LRP6: variants seen among roughly 807,000 people sequenced by gnomAD.
LRP6 encodes low-density lipoprotein receptor-related protein 6.
Under a neutral mutation model 184.1 loss-of-function variants are expected in LRP6, and 43 were observed. That is an observed-to-expected ratio of 0.23 (90% CI 0.18 to 0.30). The LOEUF is 0.30. LRP6 is among the 10% of genes least tolerant of loss of function. LRP6 has a pLI of 1.00. For synonymous variants in LRP6, 719 were observed against 684.9 expected, an observed-to-expected ratio of 1.05 and a Z score of -0.78; for missense variants, 1,571 against 2,005.3, an observed-to-expected ratio of 0.78 and a Z score of 4.14.
intron 2 of LRP6, among the ~76,000 whole-genome samples, chr12:12,220,581 T>A: frequency 6.7e-6 from 1 of 148,472 alleles, no homozygotes; most frequent in East Asian, 2.0e-4. Flanking sequence ...CTATGAACAC[T>A]AACGCATATT....
chr12:12,204,261 T>A, intron 2 of LRP6, among the ~76,000 whole-genome samples: 1 of 95,864 alleles, frequency 1.0e-5, no homozygotes, highest in African/African-American at 4.0e-5. Flanking sequence ...TCTTTGACAA[T>A]ATCAATGTCA....
chr12:12,245,557 CA>C (rs750223606), intron 1 of LRP6, among the ~76,000 whole-genome samples: 4 of 152,256 alleles, frequency 2.6e-5, no homozygotes, highest in East Asian at 3.9e-4. Flanking sequence ...TTACACTTAA[CA>C]TAAGCAAAAT....
chr12:12,230,628 T>C (rs1372219513), intron 2 of LRP6, among the ~76,000 whole-genome samples: 2 of 152,184 alleles, frequency 1.3e-5, no homozygotes, highest in Non-Finnish European at 2.9e-5. Context: ...CAAGTATGAA[T>C]AATCCTCAAC....
Position 12,221,887 on chromosome 12 carries a change from A to G in LRP6, c.450-18487T>C, listed in dbSNP as rs566274626. Among the ~76,000 whole-genome samples, 101 of 152,338 alleles carry G rather than the reference A, an allele frequency of 6.6e-4. 2 individuals are homozygous for G. In the South Asian group the frequency reaches 0.012, roughly 18 times the overall value. ...TTTTATTTTGGTGTTGGACTGTGTC[A>G]TCTATAATTCTGGCTTCAGAGAACA... On this transcript the variant is annotated intron_variant, in intron 2 of 22. Transcript: ENST00000261349.
At chr12:12,158,699 C>A in intron 12 of LRP6, 130 bp downstream of exon 12, 2 of 854,726 alleles carry the variant, frequency 2.3e-6, no homozygotes, top group Non-Finnish European at 1.9e-6. Context: ...CATTCCCCTA[C>A]CCTTTAACCA....
intron 15 of LRP6, among the ~76,000 whole-genome samples, chr12:12,145,932 T>C (rs1274979528): frequency 6.6e-6 from 1 of 152,134 alleles, no homozygotes; most frequent in Non-Finnish European, 1.5e-5. Context: ...ACACCTGGCC[T>C]GAGTTCCCAC....
At position 12,158,918 on chromosome 12, in the gene LRP6, G is replaced by C; in HGVS notation, c.2702C>G (p.Ser901Cys). 6.2e-7 allele frequency: 1 copy of C among 1,614,216 alleles called. No individual in the cohort carries two copies. Among genetic ancestry groups the C allele is most frequent in the Non-Finnish European group, 8.5e-7 (1 of 1,180,038 alleles). ...AACTGGCACAGCCAAGCAGAGGTGG[G>C]AGCAGTGCCCATTGCTGGAAGCACA... ...NECASSNGHC[S>C]HLCLAVPVGG... The change falls in exon 12 of 23, where the codon TCC becomes TGC. Residue 901 changes from serine to cysteine, a missense_variant. This residue lies in a region of LRP6 where 158 missense variants were observed against 258.4 expected (regional missense o/e 0.61). Transcript: ENST00000261349.
intron 4 of LRP6, 183 bp downstream of exon 4, chr12:12,186,740 C>T (rs574810878): frequency 1.6e-6 from 1 of 622,366 alleles, no homozygotes; most frequent in East Asian, 3.0e-5. Context: ...CTCACTGCAA[C>T]CTCGGCCTCC....
chr12:12,150,068 T>G (rs767271385), intron 13 of LRP6, among the ~76,000 whole-genome samples: 5 of 152,114 alleles, frequency 3.3e-5, no homozygotes, highest in Non-Finnish European at 1.5e-5. Flanking sequence ...TCCCTAAATT[T>G]TAATACATTC....
In LRP6 at chr12:12,150,891, T is replaced by C. The variant is rs375132066; in HGVS notation, c.2939A>G (p.Tyr980Cys). The change falls in exon 13 of 23, where the codon TAT (tyrosine) becomes TGT (cysteine). Residue 980 changes from tyrosine to cysteine, a missense_variant. Physicochemically the swap from Tyr to Cys is radical, Grantham distance 194. Transcript: ENST00000261349. The stretch of plus-strand genomic sequence containing the variant: ...CATGTTTTGTCGTGAGTCAATCCAA[T>C]AGAGTTGCTTGTCCAGTGGGTCATA... ...IDYDPLDKQLYWIDSRQNMIR... is the reference protein window; with the variant it reads ...IDYDPLDKQLCWIDSRQNMIR... The C allele has an allele frequency of 9.0e-5, 145 of 1,613,996 alleles. No homozygotes were observed. The highest frequency in any genetic ancestry group is 1.1e-4 in the Non-Finnish European group (128 of 1,180,010).
chr12:12,125,456 C>G (rs1256367946), intron 20 of LRP6, 24 bp from the exon 21 acceptor site: 1 of 1,608,652 alleles, frequency 6.2e-7, no homozygotes, highest in Admixed American at 1.7e-5. Context: ...AGGTTAAAAA[C>G]TGAAGATGAG....
Position 12,266,670 on chromosome 12 carries a change from A to G in LRP6, c.55+11T>C, listed in dbSNP as rs748581545. 6.5e-7 allele frequency: 1 copy of G among 1,534,408 alleles called. No homozygotes were observed. Among genetic ancestry groups the G allele is most frequent in the South Asian group, 1.2e-5 (1 of 86,042 alleles). ...ACCCCACCAACTTTCCAGTGCCCCC[A>G]CTCTTCCCACCTCTCAGGAGCACAC... On this transcript the variant is annotated intron_variant, in intron 1 of 22. Coordinates refer to ENST00000261349, the MANE Select transcript of LRP6 (RefSeq NM_002336.3).
At chr12:12,258,957 T>G (rs1865542572) in intron 1 of LRP6, among the ~76,000 whole-genome samples, 1 of 151,470 alleles carries the variant, frequency 6.6e-6, no homozygotes, top group Admixed American at 6.6e-5. Flanking sequence ...GGTGACTATT[T>G]TCTTGGGAAA....
chr12:12,251,491 G>A (rs1298990463), intron 1 of LRP6, among the ~76,000 whole-genome samples: 2 of 151,972 alleles, frequency 1.3e-5, no homozygotes, highest in Middle Eastern at 3.2e-3. Context: ...AGCCTCCCGA[G>A]TAGCTGGGAC....
intron 3 of LRP6, 48 bp downstream of exon 3, chr12:12,203,155 G>C (rs1483573635): frequency 1.5e-6 from 2 of 1,348,692 alleles, no homozygotes; most frequent in Non-Finnish European, 2.1e-6. Context: ...ATGTATCAAG[G>C]CTTCATCGAG....
At chr12:12,239,246 G>A (rs556619319) in intron 2 of LRP6, among the ~76,000 whole-genome samples, 1 of 152,324 alleles carries the variant, frequency 6.6e-6, no homozygotes, top group East Asian at 1.9e-4. Flanking sequence ...GCAAGATCCA[G>A]TCTAAAGCTT....
At chr12:12,265,587 T>G (rs1212126204) in intron 1 of LRP6, among the ~76,000 whole-genome samples, 3 of 152,178 alleles carry the variant, frequency 2.0e-5, no homozygotes, top group Non-Finnish European at 4.4e-5. Context: ...AGCGGTCACA[T>G]GCCTGAAAAG....
rs929822404 is a variant in LRP6, at chr12:12,117,509, G to T, written c.*3617C>A. On this transcript the variant is annotated 3_prime_UTR_variant, in exon 23 of 23. Transcript: ENST00000261349. ...TAATTCCTATGGCATGCAAATGAAT[G>T]AAGTGGGACAAAGCTTCCCCTACAA... The T allele has an allele frequency of 6.6e-6, 1 of 152,226 alleles. No individual in the cohort carries two copies. Among genetic ancestry groups the T allele is most frequent in the Non-Finnish European group, 1.5e-5 (1 of 68,030 alleles). The allele number at this position is 152,226 out of a possible 1,614,324, so 9.4% of individuals were successfully genotyped here. A position where few individuals can be genotyped will look rare whatever the true frequency, so the allele number is the denominator to read the frequency against.
intron 1 of LRP6, among the ~76,000 whole-genome samples, chr12:12,254,840 C>G (rs1489200596): frequency 1.3e-5 from 2 of 152,142 alleles, no homozygotes; most frequent in African/African-American, 4.8e-5. Context: ...GCTCAAAAAT[C>G]CTAGAATATT....
Sources: gnomAD v4.1 joint callset for allele counts (sites outside exome capture counted in the v4.1 genomes callset) on GRCh38, gnomAD v4.1.1 for gene constraint, gnomAD v4.1.1 regional missense constraint, MANE v1.5 for transcripts, NCBI Gene and HGNC (gene_info 2026-07-23, HGNC 2026-07-21) for gene names.